The following RFC5 variants were observed in gnomAD, a reference collection of about 807,000 sequenced individuals.
RFC5 encodes replication factor C subunit 5.
Under a neutral mutation model 44.3 loss-of-function variants are expected in RFC5, and 26 were observed. That is an observed-to-expected ratio of 0.59 (90% CI 0.43 to 0.81). The LOEUF (loss-of-function observed/expected upper bound fraction) is 0.81. Ranked by LOEUF, RFC5 falls within the 40% of genes least tolerant of loss-of-function variation. The pLI, the probability that RFC5 is intolerant of heterozygous loss-of-function variation, is 0.00. For synonymous variants in RFC5, 155 were observed against 155.2 expected (o/e 1.00, Z 0.01); for missense variants, 328 against 418.6 (o/e 0.78, Z 1.89).
At chr12:118,035,524 A>T (rs1357321580), downstream of RFC5, among the ~76,000 whole-genome samples, 1 of 152,228 alleles carries the variant, frequency 6.6e-6, no homozygotes, top group Non-Finnish European at 1.5e-5. Context: ...CCTGTGGATG[A>T]AGGGTTACTA....
chr12:118,027,112 T>G, intron 8 of RFC5, 94 bp downstream of exon 8: 3 of 1,317,212 alleles, frequency 2.3e-6, no homozygotes, highest in Non-Finnish European at 3.2e-6. Context: ...TGGCAAAGGA[T>G]GACTGGCTGC....
intron 4 of RFC5, 70 bp from the exon 5 acceptor site, chr12:118,022,216 A>T (rs1048026135): frequency 6.5e-6 from 8 of 1,227,058 alleles, no homozygotes; most frequent in South Asian, 4.8e-5. Context: ...CAATGGGAAG[A>T]TATAGGTTTG....
chr12:118,040,654 C>CAAA, the RFC5 span, among the ~76,000 whole-genome samples: 1 of 120,044 alleles, frequency 8.3e-6, no homozygotes. Context: ...GGCTCTGTCT[C>CAAA]AAAAAAAAAA....
At chr12:118,020,884 G>A in intron 3 of RFC5, 22 bp from the exon 4 acceptor site, 2 of 1,557,792 alleles carry the variant, frequency 1.3e-6, no homozygotes, top group Non-Finnish European at 1.8e-6. Context: ...TTTTTGTTTT[G>A]TCTTCTGTCT....
rs1435467861 is a variant in RFC5 at position 118,027,956 on chromosome 12, T to C, written c.797T>C (p.Ile266Thr). 2 of 1,597,560 alleles carry C rather than the reference T, an allele frequency of 1.3e-6. No individual in the cohort carries two copies. The highest frequency in any genetic ancestry group is 1.3e-5 in the African/African-American group (1 of 74,686). ...NQDFTTAYRN[I>T]TELKTLKGLA... ...TTTGCCTTAACTGCTCCTCTAGATATTACAGAGTTGAAAACTCTGAAGGGG... is the reference window on the plus strand; with the variant it reads ...TTTGCCTTAACTGCTCCTCTAGATACTACAGAGTTGAAAACTCTGAAGGGG... The change falls in exon 9 of 11, where the codon ATT becomes ACT. Residue 266 changes from isoleucine (I) to threonine (T), a missense_variant. Physicochemically the swap from Ile to Thr is moderately conservative, Grantham distance 89 (BLOSUM62 -1). Coordinates refer to ENST00000454402, the MANE Select transcript of RFC5 (RefSeq NM_007370.7).
chr12:118,028,108 G>A lies in RFC5; in HGVS notation c.871+78G>A, dbSNP rs2031075452. 6 of 865,224 alleles carry A rather than the reference G, an allele frequency of 6.9e-6. No homozygotes were observed. The Admixed American group carries it at 1.1e-4, about 15-fold the overall frequency. 53.6% of individuals were successfully genotyped at this position (865,224 alleles called of 1,614,324 possible). On this transcript the variant is annotated intron_variant, in intron 9 of 10. Transcript: ENST00000454402. ...GGGGTTAAGGATGGTTAGGACAGGA[G>A]GCTTCATTCTTGAAGCAAAGAAACT...
chr12:118,018,191 G>A (rs1593434913), intron 1 of RFC5: 1 of 551,096 alleles, frequency 1.8e-6, no homozygotes, highest in Non-Finnish European at 3.3e-6. Context: ...CCATTGTATG[G>A]ACAGAAGAGA....
chr12:118,038,503 C>G, the RFC5 span: 1 of 880,686 alleles, frequency 1.1e-6, no homozygotes, highest in Non-Finnish European at 1.7e-6. Flanking sequence ...CAGCTCCTAT[C>G]AGCTGGGCCC....
the RFC5 span, among the ~76,000 whole-genome samples, chr12:118,039,947 T>C: frequency 6.6e-6 from 1 of 152,016 alleles, no homozygotes; most frequent in Non-Finnish European, 1.5e-5. Flanking sequence ...AGTTTCACCA[T>C]GTTGGCTAGG....
At chr12:118,038,553 GATTTGTCATTTAAAC>G in the RFC5 span, among the ~76,000 whole-genome samples, 1 of 152,208 alleles carries the variant, frequency 6.6e-6, no homozygotes, top group Non-Finnish European at 1.5e-5. Flanking sequence ...AATATGACCA[GATTTGTCATTTAAAC>G]ACCTGTAATC....
chr12:118,029,911 G>T, intron 10 of RFC5, 86 bp downstream of exon 10: 1 of 1,029,294 alleles, frequency 9.7e-7, no homozygotes, highest in Non-Finnish European at 1.5e-6. Flanking sequence ...TTGGTTTCAG[G>T]TTTTTTTCCT....
At chr12:118,027,090 C>A in intron 8 of RFC5, 72 bp downstream of exon 8, 4 of 1,478,570 alleles carry the variant, frequency 2.7e-6, no homozygotes, top group Non-Finnish European at 3.7e-6. Flanking sequence ...GCAGCCAGCA[C>A]CCACACCTTG....
chr12:118,033,806 GT>G, downstream of RFC5: 1 of 228,236 alleles, frequency 4.4e-6, no homozygotes, highest in South Asian at 6.8e-5. Context: ...AGAAGCCATC[GT>G]TCCCAGCGGA....
Position 118,019,035 on chromosome 12 carries a change from TTATA to T in RFC5, c.66-33_66-30del, listed in dbSNP as rs773779393. On this transcript the variant is annotated intron_variant, in intron 1 of 10. Coordinates refer to ENST00000454402, the MANE Select transcript of RFC5 (RefSeq NM_007370.7). This position sits in a 1 kb window ranked among gnomAD's most constrained non-coding sequence, Gnocchi z 4.2. ...TTTTGCACATAAAATATTCTTGCATTTATATATGTCATAATACATACTAAATTGT... is the reference window on the plus strand; with the variant it reads ...TTTTGCACATAAAATATTCTTGCATTTATGTCATAATACATACTAAATTGT... The T allele has an allele frequency of 8.4e-6, 12 of 1,431,360 alleles. No individual in the cohort carries two copies. The East Asian group carries it at 2.7e-4, about 33-fold the overall frequency. 88.7% of individuals were successfully genotyped at this position (1,431,360 alleles called of 1,614,324 possible). A position where few individuals can be genotyped will look rare whatever the true frequency, so the allele number is the denominator to read the frequency against.
chr12:118,028,243 G>C (rs534562894), intron 9 of RFC5, among the ~76,000 whole-genome samples: 2 of 152,222 alleles, frequency 1.3e-5, no homozygotes, highest in East Asian at 3.9e-4. Flanking sequence ...TAGCACTTTG[G>C]GAGGCCAAAG....
chr12:118,020,019 A>G (rs1297144871), intron 3 of RFC5, among the ~76,000 whole-genome samples: 1 of 152,060 alleles, frequency 6.6e-6, no homozygotes, highest in African/African-American at 2.4e-5. Context: ...CCCAAACCTT[A>G]CTTTATGGTG....
At chr12:118,037,488 G>A (rs1407179490), downstream of RFC5, among the ~76,000 whole-genome samples, 1 of 151,928 alleles carries the variant, frequency 6.6e-6, no homozygotes, top group African/African-American at 2.4e-5. Flanking sequence ...CTAATATGGT[G>A]AAACCTCATT....
intron 10 of RFC5, 53 bp downstream of exon 10, chr12:118,029,878 G>T (rs1029180541): frequency 1.5e-6 from 2 of 1,310,710 alleles, no homozygotes; most frequent in Admixed American, 3.4e-5. Context: ...TTCCCCTGTT[G>T]TGAGTTATTT....
intron 9 of RFC5, 130 bp from the exon 10 acceptor site, chr12:118,029,641 A>G: frequency 1.3e-6 from 1 of 764,276 alleles, no homozygotes; most frequent in South Asian, 1.4e-5. Context: ...GAGGTCTGGT[A>G]TCTAGTGAGC....
Sources: allele counts gnomAD v4.1 joint callset (sites outside exome capture counted in the v4.1 genomes callset), GRCh38; gene constraint gnomAD v4.1.1; non-coding constraint Gnocchi (gnomAD v3.1); transcripts MANE v1.5; gene names NCBI Gene and HGNC (gene_info 2026-07-23, HGNC 2026-07-21).